The following ASTN1 variants were observed in gnomAD, a reference collection of about 807,000 sequenced individuals.
The protein encoded by ASTN1 is astrotactin 1, also known as astrotactin-1.
A neutral mutation model predicts 140.7 loss-of-function variants in ASTN1; 41 were observed. The observed-to-expected ratio is 0.29, with a 90% confidence interval of 0.23 to 0.38. The LOEUF is 0.38. Ranked by LOEUF, ASTN1 falls within the 10% of genes least tolerant of loss-of-function variation. The pLI is 1.00. For synonymous variants in ASTN1, 640 were observed against 652.2 expected, an observed-to-expected ratio of 0.98 and a Z score of 0.29; for missense variants, 1,479 against 1,678.8, an observed-to-expected ratio of 0.88 and a Z score of 2.08.
chr1:176,982,920 T>G (rs1165032572), intron 8 of ASTN1, among the ~76,000 whole-genome samples: 1 of 151,908 alleles, frequency 6.6e-6, no homozygotes, highest in Non-Finnish European at 1.5e-5. Flanking sequence ...AGGTAAGGAA[T>G]AGAGGGATGG....
At chr1:176,888,319 T>C in intron 17 of ASTN1, 115 bp from the exon 18 acceptor site, 1 of 1,233,054 alleles carries the variant, frequency 8.1e-7, no homozygotes, top group African/African-American at 1.5e-5. Context: ...CAGCAGCAGG[T>C]TGTGTCGCCA....
At chr1:176,999,187 G>A (rs369586111) in intron 8 of ASTN1, among the ~76,000 whole-genome samples, 2 of 152,190 alleles carry the variant, frequency 1.3e-5, no homozygotes, top group East Asian at 3.9e-4. Flanking sequence ...CATGGAGACT[G>A]TGGAGGCAAA....
rs555646630 is a variant in ASTN1, at chr1:176,874,435, G to GCTT, written c.3463+2099_3463+2101dup. Among the ~76,000 whole-genome samples, 37 of 152,326 alleles carry GCTT rather than the reference G, an allele frequency of 2.4e-4. No homozygotes were observed. The East Asian group carries it at 5.6e-3, about 23-fold the overall frequency. On this transcript the variant is annotated intron_variant, in intron 21 of 22. Transcript: ENST00000361833. ...CAGTATTTAAAGACAAGGGGGAAGG[G>GCTT]CTTCAGTCTTTGACATAATAATTCT...
chr1:177,036,536 A>G (rs1676728006), intron 2 of ASTN1, among the ~76,000 whole-genome samples: 1 of 152,212 alleles, frequency 6.6e-6, no homozygotes, highest in Non-Finnish European at 1.5e-5. Context: ...TATTACATAA[A>G]TAATAATATA....
chr1:176,872,046 C>A (rs1668369929), intron 21 of ASTN1, among the ~76,000 whole-genome samples: 1 of 152,134 alleles, frequency 6.6e-6, no homozygotes, highest in African/African-American at 2.4e-5. Context: ...ACCATGGCAT[C>A]AAATGGAGTT....
At chr1:176,891,248 G>T (rs1270661216) in intron 17 of ASTN1, among the ~76,000 whole-genome samples, 1 of 152,148 alleles carries the variant, frequency 6.6e-6, no homozygotes, top group Non-Finnish European at 1.5e-5. Flanking sequence ...CTTATTCCAG[G>T]AAAGAAATAA....
At chr1:176,956,400 G>C (rs911460770) in intron 11 of ASTN1, among the ~76,000 whole-genome samples, 3 of 152,136 alleles carry the variant, frequency 2.0e-5, no homozygotes, top group African/African-American at 7.2e-5. Flanking sequence ...CTTTGATTGA[G>C]AGCAGCTCCC....
At chr1:177,151,227 G>A (rs1683016942) in intron 1 of ASTN1, among the ~76,000 whole-genome samples, 1 of 151,896 alleles carries the variant, frequency 6.6e-6, no homozygotes, top group African/African-American at 2.4e-5. Flanking sequence ...GAATCCTTAT[G>A]GTAGGGACTG....
intron 16 of ASTN1, among the ~76,000 whole-genome samples, chr1:176,899,905 A>T (rs2103045483): frequency 6.6e-6 from 1 of 152,360 alleles, no homozygotes; most frequent in Middle Eastern, 3.4e-3. Flanking sequence ...ATTAGGGAAA[A>T]GAAGATAGGA....
chr1:177,121,125 T>C (rs1681363732), intron 1 of ASTN1, among the ~76,000 whole-genome samples: 1 of 151,888 alleles, frequency 6.6e-6, no homozygotes, highest in Admixed American at 6.6e-5. Flanking sequence ...TCCATGTGAG[T>C]TCTAGAAGAA....
At chr1:177,107,961 G>T (rs1680631053) in intron 1 of ASTN1, among the ~76,000 whole-genome samples, 1 of 152,078 alleles carries the variant, frequency 6.6e-6, no homozygotes, top group African/African-American at 2.4e-5. Context: ...GGAAGAAGTT[G>T]CAATCAATTT....
At chr1:177,072,496 C>T (rs1678689919) in intron 1 of ASTN1, among the ~76,000 whole-genome samples, 2 of 152,172 alleles carry the variant, frequency 1.3e-5, no homozygotes, top group African/African-American at 4.8e-5. Context: ...GGCATAGCTC[C>T]ATGGAAACGT....
chr1:176,913,341 A>G (rs1377795706), intron 16 of ASTN1, among the ~76,000 whole-genome samples: 4 of 152,278 alleles, frequency 2.6e-5, no homozygotes, highest in East Asian at 1.9e-4. Flanking sequence ...CAAATGTAGG[A>G]TCACATTGGG....
chr1:176,913,303 T>C (rs2103062935), intron 16 of ASTN1, among the ~76,000 whole-genome samples: 1 of 152,352 alleles, frequency 6.6e-6, no homozygotes, highest in African/African-American at 2.4e-5. Flanking sequence ...AGCTAAAATG[T>C]CCTTTATACT....
At chr1:176,924,091 T>C (rs1224694316) in intron 16 of ASTN1, among the ~76,000 whole-genome samples, 1 of 152,214 alleles carries the variant, frequency 6.6e-6, no homozygotes, top group Non-Finnish European at 1.5e-5. Context: ...TTGAGCTACA[T>C]GTTGGATAAA....
At chr1:177,104,278 C>T (rs1202618889) in intron 1 of ASTN1, among the ~76,000 whole-genome samples, 3 of 152,126 alleles carry the variant, frequency 2.0e-5, no homozygotes, top group Non-Finnish European at 2.9e-5. Flanking sequence ...ACTCTTTAGT[C>T]TGCATTTTGA....
chr1:177,076,601 A>G (rs982135544), intron 1 of ASTN1, among the ~76,000 whole-genome samples: 1 of 151,474 alleles, frequency 6.6e-6, no homozygotes, highest in Non-Finnish European at 1.5e-5. Flanking sequence ...GGCTCACTGC[A>G]ACCTATGCCT....
intron 7 of ASTN1, among the ~76,000 whole-genome samples, chr1:177,021,006 G>A (rs1252071101): frequency 2.0e-5 from 3 of 152,284 alleles, no homozygotes; most frequent in East Asian, 1.9e-4. Context: ...CAAAAATAAC[G>A]TCGACTTGAC....
chr1:176,939,859 A>AAGGG (rs199720141), intron 14 of ASTN1, among the ~76,000 whole-genome samples: 19 of 133,520 alleles, frequency 1.4e-4, no homozygotes, highest in South Asian at 2.9e-4. Context: ...AGAAGGAAGG[A>AAGGG]AGGGAGGGAG....
Sources: gnomAD v4.1 joint callset for allele counts (sites outside exome capture counted in the v4.1 genomes callset) on GRCh38, gnomAD v4.1.1 for gene constraint, MANE v1.5 for transcripts, NCBI Gene and HGNC (gene_info 2026-07-23, HGNC 2026-07-21) for gene names.